Variants in P4HA3 observed in about 807,000 individuals in gnomAD.
The protein encoded by P4HA3 is prolyl 4-hydroxylase subunit alpha-3.
P4HA3 carries 60 observed loss-of-function variants against 66.7 expected under a neutral mutation model. The ratio of observed to expected loss-of-function variants is 0.90; its 90% CI spans 0.73 to 1.12. The LOEUF is 1.12. P4HA3 is among the 50% of genes most tolerant of loss of function. The probability of loss-of-function intolerance (pLI) is 0.00; values close to 1 mark genes in which losing one functional copy is unlikely to be tolerated. For missense variants in P4HA3, 683 were observed against 685.8 expected (o/e 1.00, Z 0.05); for synonymous variants, 263 against 274.6 (o/e 0.96, Z 0.42).
downstream of P4HA3, among the ~76,000 whole-genome samples, chr11:74,265,653 C>T (rs1352195383): frequency 2.0e-5 from 3 of 152,224 alleles, no homozygotes; most frequent in Non-Finnish European, 4.4e-5. Context: ...TCACACTCTG[C>T]TTATAAAAAG....
At chr11:74,305,872 CCA>C (rs1211146277) in intron 1 of P4HA3, among the ~76,000 whole-genome samples, 1 of 152,060 alleles carries the variant, frequency 6.6e-6, no homozygotes, top group Non-Finnish European at 1.5e-5. Flanking sequence ...TCTCAAGGAT[CCA>C]CAGTTTAGTG....
At position 74,257,137 on chromosome 11, in the gene P4HA3, T is replaced by TC. The variant is rs769075933; in HGVS notation, c.*1318+2785dup. On this transcript the variant is annotated intron_variant and NMD_transcript_variant, in intron 15 of 15. Coordinates refer to the P4HA3 transcript ENST00000524388. ...TTCACAAGAGGTAGCATTTTTTCTT[T>TC]CTTTTTTTTAGACAGTCTCCTCTGT... Among the ~76,000 whole-genome samples, 56 of 152,140 alleles carry TC rather than the reference T, an allele frequency of 3.7e-4. 1 individual carries two copies. Among genetic ancestry groups the TC allele is most frequent in the Non-Finnish European group, 7.1e-4 (48 of 68,016 alleles).
chr11:74,277,153 C>T lies in P4HA3; in HGVS notation c.1176-9G>A. On this transcript the variant is annotated splice_polypyrimidine_tract_variant and intron_variant, in intron 8 of 12. Coordinates refer to ENST00000331597, the MANE Select transcript of P4HA3 (RefSeq NM_182904.5). ...TGTCCTTCAGCCAGGCACTAAAACA[C>T]ACCACAGATTGAAGCATCAATGATC... 3 of 1,608,768 alleles carry T rather than the reference C, an allele frequency of 1.9e-6. No individual in the cohort carries two copies. Among genetic ancestry groups the T allele is most frequent in the Non-Finnish European group, 2.5e-6 (3 of 1,176,738 alleles).
intron 7 of P4HA3, among the ~76,000 whole-genome samples, chr11:74,281,296 C>T (rs1186174825): frequency 6.6e-6 from 1 of 151,282 alleles, no homozygotes; most frequent in Non-Finnish European, 1.5e-5. Context: ...CTAGTTCAAC[C>T]ATTGTGGAAG....
At chr11:74,287,306 A>C in intron 5 of P4HA3, 1 of 1,289,366 alleles carries the variant, frequency 7.8e-7, no homozygotes, top group African/African-American at 1.5e-5. Flanking sequence ...CAAAGGAGGA[A>C]AGGAAGGGGC....
In P4HA3 at chr11:74,285,854, G is replaced by A. The variant is rs1860775343; in HGVS notation, c.1065C>T (p.Val355=). The A allele has an allele frequency of 1.2e-6, 2 of 1,613,964 alleles. No homozygotes were observed. The highest frequency in any genetic ancestry group is 3.3e-5 in the Admixed American group (2 of 59,992). ...TAATTTTCTGAGCCTCTGAGTCACTGACGAAGTCATGGTAGAGAGCAATGT... is the reference window on the plus strand; with the variant it reads ...TAATTTTCTGAGCCTCTGAGTCACTAACGAAGTCATGGTAGAGAGCAATGT... The part of the protein sequence containing the change: ...EPYIALYHDF[V]SDSEAQKIRE... The change falls in exon 7 of 13, where the codon GTC becomes GTT. Residue 355 remains valine (V), a synonymous_variant. Transcript: ENST00000331597.
chr11:74,255,557 G>A (rs558913518), intron 15 of P4HA3, among the ~76,000 whole-genome samples: 1 of 152,166 alleles, frequency 6.6e-6, no homozygotes, highest in South Asian at 2.1e-4. Flanking sequence ...GAGATAAACC[G>A]TACCTACCCC....
At position 74,311,402 on chromosome 11, in the gene P4HA3, G is replaced by T; in HGVS notation, c.200+10C>A. On this transcript the variant is annotated intron_variant, in intron 1 of 12. Transcript: ENST00000331597. ...GGCCCCTCGGTCGCTCCCACTCGTCGTGCCCTCACCTAGTCAGGTCCCGCA... is the reference window on the plus strand; with the variant it reads ...GGCCCCTCGGTCGCTCCCACTCGTCTTGCCCTCACCTAGTCAGGTCCCGCA... 6.7e-7 allele frequency: 1 copy of T among 1,498,264 alleles called. No homozygotes were observed. The highest frequency in any genetic ancestry group is 1.3e-5 in the South Asian group (1 of 77,110). 92.8% of individuals were successfully genotyped at this position (1,498,264 alleles called of 1,614,324 possible).
At position 74,298,372 on chromosome 11, in the gene P4HA3, C is replaced by A; in HGVS notation, c.568-11G>T. 1 of 1,611,292 alleles carries A rather than the reference C, an allele frequency of 6.2e-7. No individual in the cohort carries two copies. On this transcript the variant is annotated splice_polypyrimidine_tract_variant and intron_variant, in intron 3 of 12. Coordinates refer to ENST00000331597, the MANE Select transcript of P4HA3 (RefSeq NM_182904.5). ...CATGTCATAGGCCACCTACACAGAA[C>A]ACAAGTACCATCGCCAAAGCCTTAT... is the stretch of plus-strand genomic sequence containing the variant.
chr11:74,287,503 GT>G (rs1860840144), intron 5 of P4HA3, among the ~76,000 whole-genome samples: 1 of 152,122 alleles, frequency 6.6e-6, no homozygotes, highest in African/African-American at 2.4e-5. Flanking sequence ...AATAGATCAA[GT>G]GCAAATAAAT....
At position 74,290,908 on chromosome 11, in the gene P4HA3, G is replaced by C. The variant is rs1208594586; in HGVS notation, c.718-1778C>G. 2.0e-5 allele frequency among the ~76,000 whole-genome samples: 3 copies of C among 152,174 alleles called. No homozygotes were observed. In the East Asian group the frequency reaches 5.8e-4, roughly 29 times the overall value. ...CCTCCAGCTTTGTTCTTTTGGCTTA[G>C]GATTGACTTGGCGATGCGGGCTCTT... On this transcript the variant is annotated intron_variant, in intron 4 of 12. Transcript: ENST00000331597.
rs541743452 is a variant in P4HA3 at position 74,288,832 on chromosome 11, C to T, written c.769+247G>A. On this transcript the variant is annotated intron_variant, in intron 5 of 12. Transcript: ENST00000331597. Reference sequence around the variant, plus strand: ...GGTGTGGTGGTGGGCGCCTGTAATCCCAGCTACTCGGGAGGCTGAGGCAGG... The same window carrying T: ...GGTGTGGTGGTGGGCGCCTGTAATCTCAGCTACTCGGGAGGCTGAGGCAGG... Among the ~76,000 whole-genome samples, 159 of 151,162 alleles carry T rather than the reference C, an allele frequency of 1.1e-3. 1 individual carries two copies. The highest frequency in any genetic ancestry group is 3.6e-3 in the African/African-American group (149 of 41,200).
At chr11:74,256,263 G>A (rs781289388) in intron 15 of P4HA3, among the ~76,000 whole-genome samples, 1 of 152,194 alleles carries the variant, frequency 6.6e-6, no homozygotes, top group Non-Finnish European at 1.5e-5. Context: ...GCAGAAGGAG[G>A]ATGACCGTGG....
At position 74,267,325 on chromosome 11, in the gene P4HA3, G is replaced by A. The variant is rs201963396; in HGVS notation, c.1565-7C>T. On this transcript the variant is annotated splice_region_variant and splice_polypyrimidine_tract_variant and intron_variant, in intron 12 of 12. Transcript: ENST00000331597. ...TGTATCCACTTGTTGGCCACTGGGA[G>A]AGAACAGGGAAGAAGGAGACAGCAG... 3.8e-4 allele frequency: 609 copies of A among 1,613,716 alleles called. No individual in the cohort carries two copies. The highest frequency in any genetic ancestry group is 4.9e-4 in the Non-Finnish European group (581 of 1,179,782).
chr11:74,299,964 C>T (rs1280423222), intron 3 of P4HA3, among the ~76,000 whole-genome samples: 1 of 152,140 alleles, frequency 6.6e-6, no homozygotes, highest in East Asian at 1.9e-4. Context: ...AATTTGCTTG[C>T]TATCTTAATG....
At chr11:74,263,739 T>C (rs1449750326), downstream of P4HA3, among the ~76,000 whole-genome samples, 1 of 152,144 alleles carries the variant, frequency 6.6e-6, no homozygotes, top group Non-Finnish European at 1.5e-5. Flanking sequence ...GAATATTATC[T>C]GGAATGAGGC....
At chr11:74,267,429 C>T in intron 12 of P4HA3, 111 bp from the exon 13 acceptor site, 3 of 1,343,388 alleles carry the variant, frequency 2.2e-6, no homozygotes, top group South Asian at 1.5e-5. Context: ...TTAAATTCTG[C>T]ATCCTAGGTA....
chr11:74,294,704 G>A (rs1003826583), intron 4 of P4HA3, among the ~76,000 whole-genome samples: 16 of 152,186 alleles, frequency 1.1e-4, no homozygotes, highest in Non-Finnish European at 2.1e-4. Context: ...GTTTGCTAGA[G>A]GTCCACTCCA....
intron 15 of P4HA3, among the ~76,000 whole-genome samples, chr11:74,255,346 G>C (rs1859808035): frequency 6.6e-6 from 1 of 152,168 alleles, no homozygotes; most frequent in African/African-American, 2.4e-5. Flanking sequence ...CCCTAGCTTA[G>C]GCCTCATCAT....
Sources: allele counts gnomAD v4.1 joint callset (sites outside exome capture counted in the v4.1 genomes callset), GRCh38; gene constraint gnomAD v4.1.1; transcripts MANE v1.5; gene names NCBI Gene and HGNC (gene_info 2026-07-23, HGNC 2026-07-21).